SHROOM4: variants seen among roughly 807,000 people sequenced by gnomAD.
SHROOM4 encodes the protein shroom family member 4.
SHROOM4 carries 17 observed loss-of-function variants against 80.3 expected under a neutral mutation model. The ratio of observed to expected loss-of-function variants is 0.21; its 90% confidence interval spans 0.14 to 0.32. SHROOM4 has a LOEUF of 0.32. Ranked by LOEUF, SHROOM4 falls within the 10% of genes least tolerant of loss-of-function variation. SHROOM4 has a pLI of 1.00. For synonymous variants in SHROOM4, 400 were observed against 437.5 expected, an observed-to-expected ratio of 0.91 and a Z score of 1.07; for missense variants, 993 against 1,140.3, an observed-to-expected ratio of 0.87 and a Z score of 1.86.
chrX:50,805,484 G>T (rs1353419347), intron 1 of SHROOM4, among the ~76,000 whole-genome samples: 1 of 111,794 alleles, frequency 8.9e-6, no homozygotes, highest in African/African-American at 3.3e-5. Flanking sequence ...CCCACCTCCC[G>T]CATTCCTCAC....
At chrX:50,651,001 C>A (rs1037323190) in intron 2 of SHROOM4, among the ~76,000 whole-genome samples, 1 of 111,553 alleles carries the variant, frequency 9.0e-6, no homozygotes. Context: ...CTGGAAGAAC[C>A]AGGAGCAAGT....
downstream of SHROOM4, among the ~76,000 whole-genome samples, chrX:50,585,263 T>C (rs1214192785): frequency 8.9e-6 from 1 of 111,814 alleles, no homozygotes; most frequent in Non-Finnish European, 1.9e-5. Flanking sequence ...CATATCCGAA[T>C]ACCACACACT....
chrX:50,684,654 C>G (rs1933025476), intron 2 of SHROOM4, among the ~76,000 whole-genome samples: 2 of 111,530 alleles, frequency 1.8e-5, no homozygotes, highest in African/African-American at 6.5e-5. Flanking sequence ...GAGACTTGAG[C>G]TGGTTTGTAG....
chrX:50,668,403 A>G (rs1454399217), intron 2 of SHROOM4, among the ~76,000 whole-genome samples: 4 of 111,666 alleles, frequency 3.6e-5, no homozygotes, highest in African/African-American at 1.3e-4. Context: ...TCAGGTGTCA[A>G]TAGAGGCCAA....
At chrX:50,642,696 C>T (rs1168146655) in intron 2 of SHROOM4, among the ~76,000 whole-genome samples, 8 of 111,678 alleles carry the variant, frequency 7.2e-5, no homozygotes, top group African/African-American at 2.6e-4. Flanking sequence ...AACTCCTGGC[C>T]TCAAGCAATC....
chrX:50,783,578 A>AT (rs781820506), intron 1 of SHROOM4, among the ~76,000 whole-genome samples: 107 of 102,725 alleles, frequency 1.0e-3, no homozygotes, highest in East Asian at 1.8e-3. Flanking sequence ...GTCGATTCTA[A>AT]TTTTTTTTTT....
At chrX:50,684,880 C>A (rs935867104) in intron 2 of SHROOM4, among the ~76,000 whole-genome samples, 2 of 111,815 alleles carry the variant, frequency 1.8e-5, no homozygotes, top group Non-Finnish European at 3.8e-5. Flanking sequence ...AAAAAAGTCA[C>A]GTAGATTCAT....
At chrX:50,802,476 A>G (rs925944839) in intron 1 of SHROOM4, among the ~76,000 whole-genome samples, 4 of 111,558 alleles carry the variant, frequency 3.6e-5, no homozygotes, top group Non-Finnish European at 5.6e-5. Flanking sequence ...GATTTTACAT[A>G]TTAGATTAAT....
chrX:50,658,614 C>T (rs1557259678), intron 2 of SHROOM4, among the ~76,000 whole-genome samples: 1 of 111,645 alleles, frequency 9.0e-6, no homozygotes, highest in African/African-American at 3.3e-5. Context: ...AGCTTGGCAG[C>T]CTAGACCTTC....
At chrX:50,741,628 C>T (rs1387254482) in intron 1 of SHROOM4, among the ~76,000 whole-genome samples, 6 of 110,796 alleles carry the variant, frequency 5.4e-5, no homozygotes, top group Non-Finnish European at 9.5e-5. Context: ...AATAGTATCT[C>T]ACTGTGGTTT....
chrX:50,600,495 CAT>C lies in SHROOM4; in HGVS notation c.3943-1962_3943-1961del, dbSNP rs113320062. Among the ~76,000 whole-genome samples the C allele has an allele frequency of 3.5e-3, 395 of 112,172 alleles. 3 individuals carry two copies. The highest frequency in any genetic ancestry group is 0.012 in the African/African-American group (377 of 30,925). On this transcript the variant is annotated intron_variant, in intron 7 of 8. Transcript: ENST00000376020. ...AATAAGATAACAATAGGACCTACCT[CAT>C]AGAGTTGTTATGAGAATTAAATAAG...
chrX:50,682,576 T>A (rs1447594219), intron 2 of SHROOM4, among the ~76,000 whole-genome samples: 2 of 111,092 alleles, frequency 1.8e-5, no homozygotes, highest in Non-Finnish European at 3.8e-5. Flanking sequence ...ATAGAGGAAA[T>A]TAAAGGGTGT....
chrX:50,724,605 C>T (rs782559523), intron 1 of SHROOM4, among the ~76,000 whole-genome samples: 10 of 112,520 alleles, frequency 8.9e-5, no homozygotes, highest in Non-Finnish European at 1.7e-4. Flanking sequence ...GCTGGGATGA[C>T]AGGCATGCGC....
chrX:50,641,916 C>T (rs782332409), intron 2 of SHROOM4, among the ~76,000 whole-genome samples: 1 of 112,349 alleles, frequency 8.9e-6, no homozygotes, highest in Non-Finnish European at 1.9e-5. Context: ...CTGGCTGGCC[C>T]CTTACTCTTT....
chrX:50,640,614 C>G (rs1931556098), intron 2 of SHROOM4, among the ~76,000 whole-genome samples: 2 of 111,809 alleles, frequency 1.8e-5, no homozygotes, highest in African/African-American at 6.5e-5. Context: ...GGGGTACTCT[C>G]CTATTCAAGA....
chrX:50,793,710 T>A (rs1434563392), intron 1 of SHROOM4, among the ~76,000 whole-genome samples: 1 of 107,688 alleles, frequency 9.3e-6, no homozygotes, highest in Non-Finnish European at 1.9e-5. Context: ...GTAACTAGTA[T>A]CACCCTTCTG....
chrX:50,708,327 C>G (rs1317659223), intron 1 of SHROOM4, among the ~76,000 whole-genome samples: 2 of 112,636 alleles, frequency 1.8e-5, no homozygotes, highest in African/African-American at 6.4e-5. Flanking sequence ...TGCTTCAGCA[C>G]TAGCACCTCC....
chrX:50,681,927 A>C (rs1456542030), intron 2 of SHROOM4, among the ~76,000 whole-genome samples: 1 of 111,417 alleles, frequency 9.0e-6, no homozygotes, highest in Non-Finnish European at 1.9e-5. Flanking sequence ...TCCTCCCTAC[A>C]TTACTGTTTC....
intron 1 of SHROOM4, among the ~76,000 whole-genome samples, chrX:50,736,250 T>G (rs1309988204): frequency 9.0e-6 from 1 of 110,866 alleles, no homozygotes; most frequent in Non-Finnish European, 1.9e-5. Flanking sequence ...AGCAGTCTAA[T>G]TTTTATTTTT....
Sources: allele counts gnomAD v4.1 joint callset (sites outside exome capture counted in the v4.1 genomes callset), GRCh38; gene constraint gnomAD v4.1.1; transcripts MANE v1.5; gene names NCBI Gene and HGNC (gene_info 2026-07-23, HGNC 2026-07-21).